The following RFT1 variants were observed in gnomAD, a reference collection of about 807,000 sequenced individuals.
The protein encoded by RFT1 is RFT1 glycolipid translocator homolog.
Under a neutral mutation model 62.2 loss-of-function variants are expected in RFT1, and 43 were observed. That is an observed-to-expected ratio of 0.69 (90% CI 0.54 to 0.89). The LOEUF is 0.89. RFT1 is among the 40% of genes least tolerant of loss of function. The pLI, the probability that RFT1 is intolerant of heterozygous loss-of-function variation, is 0.00. For missense variants in RFT1, 605 were observed against 649.9 expected (o/e 0.93, Z 0.75); for synonymous variants, 262 against 264.6 (o/e 0.99, Z 0.10).
At position 53,117,397 on chromosome 3, in the gene RFT1, A is replaced by T. The variant is rs1184604236; in HGVS notation, c.696+2487T>A. Among the ~76,000 whole-genome samples the T allele has an allele frequency of 2.0e-5, 3 of 152,162 alleles. No homozygotes were observed. In the East Asian group the frequency reaches 5.8e-4, roughly 29 times the overall value. On this transcript the variant is annotated intron_variant, in intron 6 of 12. Coordinates refer to ENST00000296292, the MANE Select transcript of RFT1 (RefSeq NM_052859.4). Reference sequence around the variant, plus strand: ...CTGGGGAGAGTCCCACAGGCTTCAGATCTATATCAGGTGCCTCTCAAGCCC... The same window carrying T: ...CTGGGGAGAGTCCCACAGGCTTCAGTTCTATATCAGGTGCCTCTCAAGCCC...
At chr3:53,072,504 A>G in the RFT1 span, among the ~76,000 whole-genome samples, 162 of 152,240 alleles carry the variant, frequency 1.1e-3, no homozygotes, top group Non-Finnish European at 2.2e-4. Flanking sequence ...TCCACACTGC[A>G]CCTGGAAGAA....
intron 10 of RFT1, among the ~76,000 whole-genome samples, chr3:53,102,659 A>G (rs1251257206): frequency 6.6e-6 from 1 of 152,186 alleles, no homozygotes; most frequent in African/African-American, 2.4e-5. Context: ...GAGAAGCCAC[A>G]CCCCTACACA....
chr3:53,074,817 C>G, the RFT1 span, among the ~76,000 whole-genome samples: 2 of 152,188 alleles, frequency 1.3e-5, no homozygotes, highest in African/African-American at 4.8e-5. Flanking sequence ...AAGACAGAAG[C>G]TCTGCCAGGA....
At chr3:53,079,099 A>G in the RFT1 span, among the ~76,000 whole-genome samples, 1 of 152,234 alleles carries the variant, frequency 6.6e-6, no homozygotes, top group South Asian at 2.1e-4. Context: ...GTGGTAAAAC[A>G]TCATTTCCAA....
At chr3:53,113,761 T>C (rs1462664059) in intron 6 of RFT1, among the ~76,000 whole-genome samples, 1 of 152,236 alleles carries the variant, frequency 6.6e-6, no homozygotes, top group African/African-American at 2.4e-5. Flanking sequence ...CTCATCTGAA[T>C]TCAGACTAGC....
chr3:53,127,585 C>T (rs1702141619), intron 1 of RFT1, among the ~76,000 whole-genome samples: 1 of 151,758 alleles, frequency 6.6e-6, no homozygotes, highest in South Asian at 2.1e-4. Context: ...CCTGTAAGTC[C>T]CAGCTACTCG....
intron 10 of RFT1, among the ~76,000 whole-genome samples, 181 bp from the exon 11 acceptor site, chr3:53,099,667 T>C (rs1388929693): frequency 6.6e-6 from 1 of 152,144 alleles, no homozygotes. Context: ...CAACATTCTA[T>C]GGCATTGACT....
the RFT1 span, among the ~76,000 whole-genome samples, chr3:53,073,360 C>A: frequency 6.6e-6 from 1 of 152,206 alleles, no homozygotes; most frequent in Non-Finnish European, 1.5e-5. Context: ...CTCTGGACAC[C>A]CCCACCTGTG....
At chr3:53,099,200 C>T (rs536700146) in intron 11 of RFT1, among the ~76,000 whole-genome samples, 181 bp downstream of exon 11, 2 of 152,176 alleles carry the variant, frequency 1.3e-5, no homozygotes, top group Non-Finnish European at 2.9e-5. Context: ...CAGTGGGGAG[C>T]ACTTGCTGAA....
rs1241395202 is a variant in RFT1, at chr3:53,088,763, G to A, written c.*3140C>T. On this transcript the variant is annotated 3_prime_UTR_variant, in exon 13 of 13. Transcript: ENST00000296292. ...GTGGGAGGATTGCTTGAGCCCAGGAGTTTGAGGCTGCAATGAGCTATGATG... is the reference window on the plus strand; with the variant it reads ...GTGGGAGGATTGCTTGAGCCCAGGAATTTGAGGCTGCAATGAGCTATGATG... The A allele has an allele frequency of 2.0e-5, 3 of 153,124 alleles. No individual in the cohort carries two copies. The highest frequency in any genetic ancestry group is 4.4e-5 in the Non-Finnish European group (3 of 68,876). The allele number at this position is 153,124 out of a possible 1,614,324, so 9.5% of individuals were successfully genotyped here.
At chr3:53,069,249 T>G in the RFT1 span, among the ~76,000 whole-genome samples, 4 of 152,184 alleles carry the variant, frequency 2.6e-5, no homozygotes, top group Non-Finnish European at 5.9e-5. Context: ...CTGTGTTAGG[T>G]GACTTTGACC....
At chr3:53,080,862 AG>A in the RFT1 span, among the ~76,000 whole-genome samples, 1 of 152,202 alleles carries the variant, frequency 6.6e-6, no homozygotes, top group South Asian at 2.1e-4. Context: ...GGCCTGGGGA[AG>A]CAAAGCCACA....
chr3:53,092,490 C>T lies in RFT1; in HGVS notation c.1337G>A (p.Ser446Asn). 2 of 1,612,498 alleles carry T rather than the reference C, an allele frequency of 1.2e-6. No individual in the cohort carries two copies. The highest frequency in any genetic ancestry group is 2.2e-5 in the East Asian group (1 of 44,840). ...CFNMGIRITQSLCFIHRYYRR... is the reference protein window; with the variant it reads ...CFNMGIRITQNLCFIHRYYRR... Reference sequence around the variant, plus strand: ...GTAGTAGCGGTGGATGAAGCAAAGGCTCTGCGTGATCCGAATGCCCATGTT... The same window carrying T: ...GTAGTAGCGGTGGATGAAGCAAAGGTTCTGCGTGATCCGAATGCCCATGTT... The change falls in exon 12 of 13, where the codon AGC (serine) becomes AAC (asparagine). Residue 446 changes from serine to asparagine, a missense_variant. By Grantham distance (46) the Ser-to-Asn change is conservative. Coordinates refer to ENST00000296292, the MANE Select transcript of RFT1 (RefSeq NM_052859.4).
chr3:53,102,135 A>G (rs192023340), intron 10 of RFT1, among the ~76,000 whole-genome samples: 13 of 152,278 alleles, frequency 8.5e-5, no homozygotes, highest in Non-Finnish European at 1.6e-4. Context: ...ACGTGAAGAC[A>G]GAGAGAACAC....
chr3:53,084,516 T>C (rs1342988025), downstream of RFT1, among the ~76,000 whole-genome samples: 3 of 152,240 alleles, frequency 2.0e-5, no homozygotes, highest in Non-Finnish European at 4.4e-5. Flanking sequence ...AGAAACATGC[T>C]GCTCAGTTGT....
At position 53,091,974 on chromosome 3, in the gene RFT1, T is replaced by C. The variant is rs1701002499; in HGVS notation, c.1555A>G (p.Thr519Ala). The change falls in exon 13 of 13, where the codon ACA (threonine) becomes GCA (alanine). Residue 519 changes from threonine (T) to alanine (A), a missense_variant. Coordinates refer to ENST00000296292, the MANE Select transcript of RFT1 (RefSeq NM_052859.4). Reference protein sequence around the residue: ...LGATLGTAFLTETKLIHFLRT... With the variant: ...LGATLGTAFLAETKLIHFLRT... ...AGGAAATGGATCAGCTTGGTCTCTG[T>C]GAGGAATGCTGTCCCGAGAGTTGCT... The C allele has an allele frequency of 9.9e-6, 16 of 1,614,120 alleles. No individual in the cohort carries two copies. Among genetic ancestry groups the C allele is most frequent in the Admixed American group, 6.7e-5 (4 of 60,010 alleles).
rs886058722 is a variant in RFT1 at position 53,091,498 on chromosome 3, C to T, written c.*405G>A. Reference sequence around the variant, plus strand: ...TCTTTTACAGAAGAAGTTCAATATTCCTGTGAAGGGTAAAATCACTGCATC... The same window carrying T: ...TCTTTTACAGAAGAAGTTCAATATTTCTGTGAAGGGTAAAATCACTGCATC... On this transcript the variant is annotated 3_prime_UTR_variant, in exon 13 of 13. Coordinates refer to ENST00000296292, the MANE Select transcript of RFT1 (RefSeq NM_052859.4). The T allele has an allele frequency of 8.2e-6, 2 of 243,356 alleles. No homozygotes were observed. Among genetic ancestry groups the T allele is most frequent in the Non-Finnish European group, 1.7e-5 (2 of 121,084 alleles). The allele number at this position is 243,356 out of a possible 1,614,324, so 15.1% of individuals were successfully genotyped here.
At chr3:53,093,542 C>T (rs906033337) in intron 11 of RFT1, among the ~76,000 whole-genome samples, 1 of 152,178 alleles carries the variant, frequency 6.6e-6, no homozygotes, top group African/African-American at 2.4e-5. Context: ...CTTTTGACAT[C>T]CTCAAGCCAT....
Position 53,109,710 on chromosome 3 carries a change from G to A in RFT1, c.775+2120C>T, listed in dbSNP as rs576527163. Among the ~76,000 whole-genome samples, 946 of 152,198 alleles carry A rather than the reference G, an allele frequency of 6.2e-3. 5 individuals are homozygous for A. The highest frequency in any genetic ancestry group is 0.02 in the Middle Eastern group (6 of 294). ...CCTTGCCTGTAGTCCCAGCTACTTG[G>A]GAGGCTGAGGTGGGAGGATCACTTG... On this transcript the variant is annotated intron_variant, in intron 7 of 12. Coordinates refer to ENST00000296292, the MANE Select transcript of RFT1 (RefSeq NM_052859.4).
Sources: allele counts gnomAD v4.1 joint callset (sites outside exome capture counted in the v4.1 genomes callset), GRCh38; gene constraint gnomAD v4.1.1; transcripts MANE v1.5; gene names NCBI Gene and HGNC (gene_info 2026-07-23, HGNC 2026-07-21).